MCRIP1: variants seen among roughly 807,000 people sequenced by gnomAD.
MCRIP1 encodes the protein MAPK regulated corepressor interacting protein 1.
Under a neutral mutation model 14.4 loss-of-function variants are expected in MCRIP1, and 10 were observed. That is an observed-to-expected ratio of 0.70 (90% CI 0.43 to 1.18). MCRIP1 has a LOEUF of 1.18. Among genes scored for constraint, MCRIP1 ranks in the 50% most tolerant of loss-of-function variants. The probability of loss-of-function intolerance (pLI) is 0.00; values close to 1 mark genes in which losing one functional copy is unlikely to be tolerated. For synonymous variants in MCRIP1, 53 were observed against 55.7 expected, an observed-to-expected ratio of 0.95 and a Z score of 0.21; for missense variants, 119 against 135.4, an observed-to-expected ratio of 0.88 and a Z score of 0.60.
At chr17:81,824,737 C>A in intron 1 of MCRIP1, 183 bp from the exon 2 acceptor site, 6 of 1,445,212 alleles carry the variant, frequency 4.2e-6, no homozygotes, top group Non-Finnish European at 5.5e-6. Flanking sequence ...GGGCTCCAGG[C>A]AACCCTACGA....
At chr17:81,831,622 C>A (rs1240958760) in intron 1 of MCRIP1, among the ~76,000 whole-genome samples, 1 of 152,030 alleles carries the variant, frequency 6.6e-6, no homozygotes, top group Non-Finnish European at 1.5e-5. Context: ...ACACACATTG[C>A]CCACATCCCC....
At chr17:81,826,758 C>T (rs560404440) in intron 1 of MCRIP1, 26 of 187,932 alleles carry the variant, frequency 1.4e-4, no homozygotes, top group East Asian at 6.1e-4. Flanking sequence ...GGTGGAGGTG[C>T]AGTGAGCCAA....
Position 81,823,362 on chromosome 17 carries a change from G to C in MCRIP1, c.229+50C>G, listed in dbSNP as rs746459432. Reference sequence around the variant, plus strand: ...GTGGGCACAGGCCCCTCCTGCCCATGAGGCCCGGCCTGCCGGCCCAGCCCT... The same window carrying C: ...GTGGGCACAGGCCCCTCCTGCCCATCAGGCCCGGCCTGCCGGCCCAGCCCT... On this transcript the variant is annotated intron_variant, in intron 4 of 4. Transcript: ENST00000455127. The surrounding 1 kb of genome is among the most constrained non-coding windows in gnomAD (Gnocchi z 6.0). The C allele has an allele frequency of 2.0e-6, 3 of 1,536,312 alleles. No individual in the cohort carries two copies. The highest frequency in any genetic ancestry group is 1.2e-5 in the South Asian group (1 of 84,028).
In MCRIP1 at chr17:81,824,403, G is replaced by A. The variant is rs1463151919; in HGVS notation, c.11C>T (p.Ser4Phe). Residue 4 changes from serine (S) to phenylalanine (F), a missense_variant and splice_region_variant, in exon 3 of 5, where the codon TCC becomes TTC. Physicochemically the swap from Ser to Phe is radical, Grantham distance 155. Coordinates refer to ENST00000455127, the MANE Select transcript of MCRIP1 (RefSeq NM_207368.5). MTSSPVSRVVYNGK... is the reference protein window; with the variant it reads MTSFPVSRVVYNGK... ...GTTGTACACGACTCTGGAGACGGGG[G>A]AGCTGGGGGAGCCTGGCGCATGAGA... 6.5e-7 allele frequency: 1 copy of A among 1,533,894 alleles called. No individual in the cohort carries two copies. The highest frequency in any genetic ancestry group is 1.2e-5 in the South Asian group (1 of 83,950).
chr17:81,824,868 G>C, intron 1 of MCRIP1: 1 of 1,262,488 alleles, frequency 7.9e-7, no homozygotes, highest in Non-Finnish European at 1.0e-6. Flanking sequence ...CCCCAGCACC[G>C]GGAGCACTGT....
intron 1 of MCRIP1, among the ~76,000 whole-genome samples, chr17:81,827,041 CT>C (rs1217085250): frequency 6.6e-6 from 1 of 150,564 alleles, no homozygotes; most frequent in African/African-American, 2.4e-5. Context: ...GTGCTTGAAC[CT>C]GGGAGGCGGA....
Position 81,830,074 on chromosome 17 carries a change from GC to G in MCRIP1, c.-49+3163del, listed in dbSNP as rs534401824. Among the ~76,000 whole-genome samples the G allele has an allele frequency of 4.9e-3, 745 of 152,206 alleles. 7 individuals carry two copies. The highest frequency in any genetic ancestry group is 0.018 in the African/African-American group (734 of 41,428). On this transcript the variant is annotated intron_variant, in intron 1 of 4. Coordinates refer to ENST00000455127, the MANE Select transcript of MCRIP1 (RefSeq NM_207368.5). Reference sequence around the variant, plus strand: ...TCTGTGCATTCTGCAGGACGTGACTGCCTGCTTCCGTGGCCGTCCAGCCTAC... The same window carrying G: ...TCTGTGCATTCTGCAGGACGTGACTGCTGCTTCCGTGGCCGTCCAGCCTAC...
Position 81,823,610 on chromosome 17 carries a change from T to C in MCRIP1, c.128-97A>G. On this transcript the variant is annotated intron_variant, in intron 3 of 4. Transcript: ENST00000455127. This position sits in a 1 kb window ranked among gnomAD's most constrained non-coding sequence, Gnocchi z 6.0. ...TGCCCTCAGCTCCTGCCCTCCCAGA[T>C]CCTCTTCTCCCTCAGAAGTGTCCTC... The C allele has an allele frequency of 1.0e-6, 1 of 993,378 alleles. No homozygotes were observed. Among genetic ancestry groups the C allele is most frequent in the East Asian group, 2.6e-5 (1 of 38,316 alleles). 61.5% of individuals were successfully genotyped at this position (993,378 alleles called of 1,614,324 possible). A position where few individuals can be genotyped will look rare whatever the true frequency, so the allele number is the denominator to read the frequency against.
chr17:81,823,696 C>T lies in MCRIP1; in HGVS notation c.128-183G>A. On this transcript the variant is annotated intron_variant, in intron 3 of 4. Coordinates refer to ENST00000455127, the MANE Select transcript of MCRIP1 (RefSeq NM_207368.5). This position sits in a 1 kb window ranked among gnomAD's most constrained non-coding sequence, Gnocchi z 6.0. ...CACTCACCTGCAGACCCCGTCCCCG[C>T]TCCTCTGGCAGGCCTGTCCCTTCCC... 3.2e-6 allele frequency: 2 copies of T among 618,286 alleles called. No homozygotes were observed. Among genetic ancestry groups the T allele is most frequent in the Non-Finnish European group, 5.8e-6 (2 of 347,780 alleles). 38.3% of individuals were successfully genotyped at this position (618,286 alleles called of 1,614,324 possible). A position where few individuals can be genotyped will look rare whatever the true frequency, so the allele number is the denominator to read the frequency against.
intron 1 of MCRIP1, chr17:81,826,406 C>G: frequency 6.5e-7 from 1 of 1,533,754 alleles, no homozygotes; most frequent in Non-Finnish European, 8.7e-7. Flanking sequence ...CACTTGTAGT[C>G]CCAGCTACTC....
At chr17:81,831,854 T>C (rs2038527079) in intron 1 of MCRIP1, among the ~76,000 whole-genome samples, 1 of 152,112 alleles carries the variant, frequency 6.6e-6, no homozygotes, top group East Asian at 1.9e-4. Context: ...CTGATACCCA[T>C]GTGGCTTTGC....
Position 81,823,454 on chromosome 17 carries a change from C to T in MCRIP1, c.187G>A (p.Val63Met). 3.3e-6 allele frequency: 5 copies of T among 1,536,734 alleles called. No individual in the cohort carries two copies. The highest frequency in any genetic ancestry group is 3.5e-6 in the Non-Finnish European group (4 of 1,146,766). The change falls in exon 4 of 5, where the codon GTG (valine) becomes ATG (methionine). Residue 63 changes from valine to methionine, a missense_variant. Coordinates refer to ENST00000455127, the MANE Select transcript of MCRIP1 (RefSeq NM_207368.5). This position sits in a 1 kb window ranked among gnomAD's most constrained non-coding sequence, Gnocchi z 6.0. Reference protein sequence around the residue: ...GQVPGGERGLVEEYVEKVPNP... With the variant: ...GQVPGGERGLMEEYVEKVPNP... ...GGGACCTTCTCCACATACTCCTCCACCAGGCCCCGCTCGCCACCCGGCACC... is the reference window on the plus strand; with the variant it reads ...GGGACCTTCTCCACATACTCCTCCATCAGGCCCCGCTCGCCACCCGGCACC...
In MCRIP1 at chr17:81,826,679, C is replaced by T. The variant is rs371204805; in HGVS notation, c.-48-2125G>A. 2.1e-4 allele frequency: 78 copies of T among 365,344 alleles called. No individual in the cohort carries two copies. The East Asian group carries it at 2.4e-3, about 11-fold the overall frequency. The allele number at this position is 365,344 out of a possible 1,614,324, so 22.6% of individuals were successfully genotyped here. On this transcript the variant is annotated intron_variant, in intron 1 of 4. Transcript: ENST00000455127. Reference sequence around the variant, plus strand: ...TACTAAAAATACAAAATTAGTTGGGCGTGGTGGCAGGCACCCGTAATCCCA... The same window carrying T: ...TACTAAAAATACAAAATTAGTTGGGTGTGGTGGCAGGCACCCGTAATCCCA...
chr17:81,823,016 G>A lies in MCRIP1; in HGVS notation c.*231C>T. 1 of 601,222 alleles carries A rather than the reference G, an allele frequency of 1.7e-6. No individual in the cohort carries two copies. Among genetic ancestry groups the A allele is most frequent in the South Asian group, 2.0e-5 (1 of 50,172 alleles). 37.2% of individuals were successfully genotyped at this position (601,222 alleles called of 1,614,324 possible). On this transcript the variant is annotated 3_prime_UTR_variant, in exon 5 of 5. Transcript: ENST00000455127. This position sits in a 1 kb window ranked among gnomAD's most constrained non-coding sequence, Gnocchi z 6.0. ...CAGCCAGGTGGCTGGGGGAGGGCAGGAGGGTGGGCAGGGCCCAGACCCCCA... is the reference window on the plus strand; with the variant it reads ...CAGCCAGGTGGCTGGGGGAGGGCAGAAGGGTGGGCAGGGCCCAGACCCCCA...
In MCRIP1 at chr17:81,823,218, C is replaced by A; in HGVS notation, c.*29G>T. On this transcript the variant is annotated 3_prime_UTR_variant, in exon 5 of 5. Coordinates refer to ENST00000455127, the MANE Select transcript of MCRIP1 (RefSeq NM_207368.5). This position sits in a 1 kb window ranked among gnomAD's most constrained non-coding sequence, Gnocchi z 6.0. Reference sequence around the variant, plus strand: ...AACCGACACCTCGCACCCTGATCTTCCGGAGGCCGGGGAGGGGCACCGGGC... The same window carrying A: ...AACCGACACCTCGCACCCTGATCTTACGGAGGCCGGGGAGGGGCACCGGGC... 3 of 1,534,950 alleles carry A rather than the reference C, an allele frequency of 2.0e-6. No individual in the cohort carries two copies. Among genetic ancestry groups the A allele is most frequent in the Non-Finnish European group, 1.7e-6 (2 of 1,146,178 alleles).
At chr17:81,831,911 T>C (rs895046881) in intron 1 of MCRIP1, among the ~76,000 whole-genome samples, 1 of 152,024 alleles carries the variant, frequency 6.6e-6, no homozygotes, top group Non-Finnish European at 1.5e-5. Context: ...TCGCATTGGG[T>C]AGAACTATGT....
intron 1 of MCRIP1, chr17:81,826,555 C>T (rs1186024828): frequency 1.7e-6 from 1 of 601,776 alleles, no homozygotes; most frequent in Admixed American, 3.1e-5. Context: ...CACGGTGGCT[C>T]ACGCTTGTAA....
Position 81,823,723 on chromosome 17 carries a change from G to C in MCRIP1, c.128-210C>G. The C allele has an allele frequency of 1.7e-6, 1 of 604,066 alleles. No individual in the cohort carries two copies. The highest frequency in any genetic ancestry group is 2.9e-6 in the Non-Finnish European group (1 of 339,514). 37.4% of individuals were successfully genotyped at this position (604,066 alleles called of 1,614,324 possible). On this transcript the variant is annotated intron_variant, in intron 3 of 4. Coordinates refer to ENST00000455127, the MANE Select transcript of MCRIP1 (RefSeq NM_207368.5). This position sits in a 1 kb window ranked among gnomAD's most constrained non-coding sequence, Gnocchi z 6.0. ...CCTCTGGCAGGCCTGTCCCTTCCCC[G>C]CAAGATGACCAGGACTGTGGTCAGA...
intron 3 of MCRIP1, among the ~76,000 whole-genome samples, 154 bp downstream of exon 3, chr17:81,824,133 C>CT (rs2038332916): frequency 6.6e-6 from 1 of 152,328 alleles, no homozygotes; most frequent in South Asian, 2.1e-4. Context: ...CGCCTGGGCC[C>CT]TGAAGGCTGT....
Sources: gnomAD v4.1 joint callset for allele counts (sites outside exome capture counted in the v4.1 genomes callset) on GRCh38, gnomAD v4.1.1 for gene constraint, Gnocchi (gnomAD v3.1) non-coding constraint, MANE v1.5 for transcripts, NCBI Gene and HGNC (gene_info 2026-07-23, HGNC 2026-07-21) for gene names.